The following SLC35F2 variants were observed in gnomAD, a reference collection of about 807,000 sequenced individuals.
SLC35F2 encodes solute carrier family 35 member F2.
A neutral mutation model predicts 38.1 loss-of-function variants in SLC35F2; 25 were observed. The ratio of observed to expected loss-of-function variants is 0.66; its 90% CI spans 0.48 to 0.92. The LOEUF is 0.92. SLC35F2 is among the 40% of genes least tolerant of loss of function. SLC35F2 has a pLI of 0.00. For missense variants in SLC35F2, 409 were observed against 452.9 expected, an observed-to-expected ratio of 0.90 and a Z score of 0.88; for synonymous variants, 173 against 181.7, an observed-to-expected ratio of 0.95 and a Z score of 0.38.
At chr11:107,818,726 T>C (rs1032141060) in intron 1 of SLC35F2, among the ~76,000 whole-genome samples, 16 of 152,238 alleles carry the variant, frequency 1.1e-4, no homozygotes, top group Admixed American at 1.0e-3. Context: ...CATCATGCTT[T>C]ATTGATCCAT....
chr11:107,798,577 C>T (rs546734366), intron 7 of SLC35F2, among the ~76,000 whole-genome samples: 1 of 151,932 alleles, frequency 6.6e-6, no homozygotes, highest in African/African-American at 2.4e-5. Context: ...TGGATCTATA[C>T]AGGAAGTTTC....
At chr11:107,853,923 A>C (rs1014378147) in intron 1 of SLC35F2, among the ~76,000 whole-genome samples, 4 of 152,026 alleles carry the variant, frequency 2.6e-5, no homozygotes, top group Admixed American at 2.6e-4. Context: ...CGCGTTTTTA[A>C]AATATATGAA....
At chr11:107,829,070 T>G (rs1210621231) in intron 1 of SLC35F2, among the ~76,000 whole-genome samples, 1 of 146,316 alleles carries the variant, frequency 6.8e-6, no homozygotes. Flanking sequence ...ATCACGCCAC[T>G]GCACTCCAGC....
At position 107,838,414 on chromosome 11, in the gene SLC35F2, T is replaced by C. The variant is rs572232627; in HGVS notation, c.110+20244A>G. Reference sequence around the variant, plus strand: ...CTCTCGGCTCACTGCAACCTCCACCTCCTGGGTTCAAGCGATTCTCCTGAC... The same window carrying C: ...CTCTCGGCTCACTGCAACCTCCACCCCCTGGGTTCAAGCGATTCTCCTGAC... On this transcript the variant is annotated intron_variant, in intron 1 of 7. Transcript: ENST00000525815. Among the ~76,000 whole-genome samples the C allele has an allele frequency of 4.6e-5, 7 of 152,288 alleles. 1 individual carries two copies. The South Asian group carries it at 6.2e-4, about 14-fold the overall frequency.
chr11:107,847,372 G>T (rs764042164), intron 1 of SLC35F2, among the ~76,000 whole-genome samples: 1 of 152,100 alleles, frequency 6.6e-6, no homozygotes, highest in Non-Finnish European at 1.5e-5. Context: ...TTTCATAAAG[G>T]TACCAAAACT....
rs866932633 is a variant in SLC35F2 at position 107,843,890 on chromosome 11, T to A, written c.110+14768A>T. On this transcript the variant is annotated intron_variant, in intron 1 of 7. Coordinates refer to ENST00000525815, the MANE Select transcript of SLC35F2 (RefSeq NM_017515.5). Reference sequence around the variant, plus strand: ...AAAAATATATATATATATATATATATATATATATATATATATATGTATATT... The same window carrying A: ...AAAAATATATATATATATATATATAAATATATATATATATATATGTATATT... Among the ~76,000 whole-genome samples, 843 of 122,886 alleles carry A rather than the reference T, an allele frequency of 6.9e-3. 54 individuals carry two copies. The highest frequency in any genetic ancestry group is 9.0e-3 in the Non-Finnish European group (545 of 60,542). The allele number at this position is 122,886 out of a possible 152,430, so 80.6% of individuals were successfully genotyped here.
At position 107,810,151 on chromosome 11, in the gene SLC35F2, C is replaced by T. The variant is rs565859852; in HGVS notation, c.414+1516G>A. On this transcript the variant is annotated intron_variant, in intron 3 of 7. Transcript: ENST00000525815. ...CTTGAATCATTCCTATCACAGCTGT[C>T]GCTGCTGCTGGAGAAAACATTACCT... 6.8e-5 allele frequency: 67 copies of T among 985,400 alleles called. No homozygotes were observed. In the South Asian group the frequency reaches 2.0e-3, roughly 29 times the overall value. 61.0% of individuals were successfully genotyped at this position (985,400 alleles called of 1,614,324 possible).
Position 107,820,098 on chromosome 11 carries a change from A to C in SLC35F2, c.111-4133T>G, listed in dbSNP as rs1010631039. On this transcript the variant is annotated intron_variant, in intron 1 of 7. Transcript: ENST00000525815. Reference sequence around the variant, plus strand: ...TGGTGAAACCCAGTCTCTACTAAAAATACAAAATTTAGCTGGGTGTGGTGG... The same window carrying C: ...TGGTGAAACCCAGTCTCTACTAAAACTACAAAATTTAGCTGGGTGTGGTGG... Among the ~76,000 whole-genome samples the C allele has an allele frequency of 2.0e-5, 3 of 152,032 alleles. No homozygotes were observed. In the South Asian group the frequency reaches 6.3e-4, roughly 32 times the overall value.
chr11:107,816,294 T>C, intron 1 of SLC35F2: 2 of 952,018 alleles, frequency 2.1e-6, no homozygotes, highest in Non-Finnish European at 2.5e-6. Flanking sequence ...ATGACTTTTT[T>C]TTTTTGAGAC....
At chr11:107,830,679 A>C (rs148158533) in intron 1 of SLC35F2, among the ~76,000 whole-genome samples, 1 of 152,110 alleles carries the variant, frequency 6.6e-6, no homozygotes, top group African/African-American at 2.4e-5. Context: ...CAGAAACCCT[A>C]CATGTACCCA....
At chr11:107,820,848 T>C (rs12286157) in intron 1 of SLC35F2, among the ~76,000 whole-genome samples, 8,359 of 152,072 alleles carry the variant, frequency 0.055, 450 homozygotes, top group African/African-American at 0.14. Context: ...CCCAGCTACT[T>C]GGGAGGCTGA....
intron 1 of SLC35F2, chr11:107,823,105 G>A: frequency 2.1e-6 from 2 of 970,822 alleles, no homozygotes; most frequent in Non-Finnish European, 2.4e-6. Context: ...AAAAATCACT[G>A]GGCTTTAAAA....
intron 1 of SLC35F2, among the ~76,000 whole-genome samples, chr11:107,837,146 T>TA (rs1269340241): frequency 6.6e-6 from 1 of 152,160 alleles, no homozygotes; most frequent in Non-Finnish European, 1.5e-5. Flanking sequence ...CCATGTGACT[T>TA]AGTGAAGAAC....
At chr11:107,830,818 A>G (rs1859828440) in intron 1 of SLC35F2, among the ~76,000 whole-genome samples, 1 of 152,136 alleles carries the variant, frequency 6.6e-6, no homozygotes. Context: ...TAGTTAAAAG[A>G]GAGAGAGAAA....
chr11:107,849,032 T>C (rs1052374246), intron 1 of SLC35F2, among the ~76,000 whole-genome samples: 1 of 152,156 alleles, frequency 6.6e-6, no homozygotes, highest in Non-Finnish European at 1.5e-5. Flanking sequence ...TAGAAACAAA[T>C]GAAACTATCT....
intron 1 of SLC35F2, among the ~76,000 whole-genome samples, chr11:107,824,736 C>T (rs1859727069): frequency 2.0e-5 from 3 of 152,190 alleles, no homozygotes. Context: ...CCTAGCACAT[C>T]CACCCACCTG....
chr11:107,838,008 C>T (rs1028675406), intron 1 of SLC35F2, among the ~76,000 whole-genome samples: 4 of 150,766 alleles, frequency 2.7e-5, no homozygotes, highest in East Asian at 3.9e-4. Context: ...ATATACCAAG[C>T]GCTAATTGAT....
chr11:107,805,236 C>T, intron 5 of SLC35F2, 123 bp downstream of exon 5: 1 of 1,382,098 alleles, frequency 7.2e-7, no homozygotes, highest in South Asian at 1.6e-5. Context: ...CACAATTACT[C>T]TTGCATCCAC....
At chr11:107,835,723 G>A (rs1859920381) in intron 1 of SLC35F2, among the ~76,000 whole-genome samples, 1 of 143,918 alleles carries the variant, frequency 6.9e-6, no homozygotes, top group South Asian at 2.3e-4. Flanking sequence ...TCTCCTTAAT[G>A]GTACCCAATT....
Sources: allele counts gnomAD v4.1 joint callset (sites outside exome capture counted in the v4.1 genomes callset), GRCh38; gene constraint gnomAD v4.1.1; transcripts MANE v1.5; gene names NCBI Gene and HGNC (gene_info 2026-07-23, HGNC 2026-07-21).